Variants in SYNPR observed in about 807,000 individuals in gnomAD.
The protein encoded by SYNPR is synaptoporin.
SYNPR carries 23 observed loss-of-function variants against 32.9 expected under a neutral mutation model. That is an observed-to-expected ratio of 0.70 (90% CI 0.50 to 0.99). SYNPR has a LOEUF of 0.99. Ranked by LOEUF, SYNPR falls within the 50% of genes least tolerant of loss-of-function variation. The pLI is 0.00. For missense variants in SYNPR, 318 were observed against 349.3 expected (o/e 0.91, Z 0.71); for synonymous variants, 146 against 135.9 (o/e 1.07, Z -0.52).
intron 2 of SYNPR, among the ~76,000 whole-genome samples, chr3:63,387,682 C>T (rs1293345724): frequency 6.6e-6 from 1 of 152,168 alleles, no homozygotes; most frequent in Non-Finnish European, 1.5e-5. Context: ...CACTTAACCA[C>T]TGGTGATTCA....
intron 2 of SYNPR, among the ~76,000 whole-genome samples, chr3:63,300,102 A>T (rs1399469058): frequency 6.6e-6 from 1 of 152,036 alleles, no homozygotes; most frequent in Non-Finnish European, 1.5e-5. Context: ...TATGTTTTTG[A>T]TAATGGTTCC....
chr3:63,538,906 T>C (rs1177484670), intron 3 of SYNPR, among the ~76,000 whole-genome samples: 1 of 152,206 alleles, frequency 6.6e-6, no homozygotes, highest in East Asian at 1.9e-4. Context: ...TGTCTTACTT[T>C]TTTAAATATG....
intron 2 of SYNPR, among the ~76,000 whole-genome samples, chr3:63,396,933 T>G (rs1467605435): frequency 1.3e-5 from 2 of 151,956 alleles, no homozygotes; most frequent in Non-Finnish European, 2.9e-5. Flanking sequence ...TGAAACCCCG[T>G]CTCTACTAAA....
intron 2 of SYNPR, among the ~76,000 whole-genome samples, chr3:63,337,029 C>T (rs1310061083): frequency 6.6e-6 from 1 of 151,840 alleles, no homozygotes; most frequent in African/African-American, 2.4e-5. Flanking sequence ...GTCAGGAGTT[C>T]GAGACCAGCC....
chr3:63,379,422 T>C (rs1449018537), intron 2 of SYNPR, among the ~76,000 whole-genome samples: 1 of 152,160 alleles, frequency 6.6e-6, no homozygotes, highest in Non-Finnish European at 1.5e-5. Context: ...GGTGTTAATG[T>C]CCCTAAAAAC....
chr3:63,518,988 C>T (rs1401800011), intron 3 of SYNPR, among the ~76,000 whole-genome samples: 1 of 152,258 alleles, frequency 6.6e-6, no homozygotes, highest in East Asian at 1.9e-4. Context: ...TGAATTTTAT[C>T]AAAAGCCTTT....
At chr3:63,232,865 A>T (rs1038242802) in intron 1 of SYNPR, among the ~76,000 whole-genome samples, 5 of 152,208 alleles carry the variant, frequency 3.3e-5, no homozygotes, top group African/African-American at 1.2e-4. Context: ...GAGTTTTCCA[A>T]AGAATGCTTT....
chr3:63,443,393 C>A, intron 2 of SYNPR: 1 of 1,586,510 alleles, frequency 6.3e-7, no homozygotes, highest in South Asian at 1.2e-5. Context: ...TAGTATGAGA[C>A]AACCTCTATT....
chr3:63,493,771 A>T, intron 3 of SYNPR, among the ~76,000 whole-genome samples: 1 of 145,100 alleles, frequency 6.9e-6, no homozygotes, highest in East Asian at 2.1e-4. Flanking sequence ...AGCCAAGATC[A>T]CACCACTGCA....
chr3:63,296,497 G>GT (rs2086792678), intron 2 of SYNPR, among the ~76,000 whole-genome samples: 3 of 152,160 alleles, frequency 2.0e-5, no homozygotes, highest in African/African-American at 7.2e-5. Flanking sequence ...GAAATTTGGT[G>GT]TTTGGAAATT....
intron 5 of SYNPR, chr3:63,610,562 G>C: frequency 4.4e-6 from 3 of 688,974 alleles, no homozygotes; most frequent in Non-Finnish European, 7.9e-6. Context: ...TGGTGAGATA[G>C]TAACCATGAA....
intron 3 of SYNPR, among the ~76,000 whole-genome samples, chr3:63,485,506 A>AG (rs1701130246): frequency 6.6e-6 from 1 of 152,202 alleles, no homozygotes; most frequent in Non-Finnish European, 1.5e-5. Flanking sequence ...AAAAGCTTTC[A>AG]TGGGACATTT....
chr3:63,575,753 C>T (rs1220525495), intron 4 of SYNPR, among the ~76,000 whole-genome samples: 3 of 151,910 alleles, frequency 2.0e-5, no homozygotes, highest in Non-Finnish European at 4.4e-5. Flanking sequence ...TGTTAGGGGT[C>T]GGAAACAAAG....
intron 3 of SYNPR, among the ~76,000 whole-genome samples, chr3:63,488,005 G>C (rs1481919222): frequency 1.3e-5 from 2 of 152,210 alleles, no homozygotes; most frequent in East Asian, 3.9e-4. Flanking sequence ...TGGAACACGG[G>C]GGCAGGTGCA....
chr3:63,230,321 A>C (rs1283216563), intron 1 of SYNPR, among the ~76,000 whole-genome samples: 1 of 152,140 alleles, frequency 6.6e-6, no homozygotes, highest in Non-Finnish European at 1.5e-5. Context: ...AGAGATTCTG[A>C]AGGAAGGATT....
intron 3 of SYNPR, among the ~76,000 whole-genome samples, chr3:63,523,314 T>C (rs879811979): frequency 1.5e-4 from 23 of 152,122 alleles, no homozygotes; most frequent in African/African-American, 4.6e-4. Flanking sequence ...GGAGTTTACG[T>C]CTGGCTTCCT....
intron 2 of SYNPR, among the ~76,000 whole-genome samples, chr3:63,375,959 ATTC>A (rs904011020): frequency 2.8e-4 from 42 of 152,280 alleles, no homozygotes; most frequent in African/African-American, 9.9e-4. Context: ...CTCCTCCAGT[ATTC>A]TTCTGCTGTC....
rs555162195 is a variant in SYNPR at position 63,526,951 on chromosome 3, A to G, written c.210-29592A>G. ...TCAAAGCATTCACGGTGAGACAGCC[A>G]TGGGCACCACGATAGTAGAAATCAA... On this transcript the variant is annotated intron_variant, in intron 3 of 5. Transcript: ENST00000478300. Among the ~76,000 whole-genome samples, 3 of 152,332 alleles carry G rather than the reference A, an allele frequency of 2.0e-5. No homozygotes were observed. In the East Asian group the frequency reaches 5.8e-4, roughly 29 times the overall value.
chr3:63,307,875 G>A (rs182765794), intron 2 of SYNPR, among the ~76,000 whole-genome samples: 2 of 152,100 alleles, frequency 1.3e-5, no homozygotes, highest in Admixed American at 1.3e-4. Context: ...ATTGCATTTG[G>A]TACTGAGGGA....
Sources: allele counts gnomAD v4.1 joint callset (sites outside exome capture counted in the v4.1 genomes callset), GRCh38; gene constraint gnomAD v4.1.1; transcripts MANE v1.5; gene names NCBI Gene and HGNC (gene_info 2026-07-23, HGNC 2026-07-21).